TMEM170B: variants seen among roughly 807,000 people sequenced by gnomAD.
The protein encoded by TMEM170B is transmembrane protein 170B.
TMEM170B carries 6 observed loss-of-function variants against 13.0 expected under a neutral mutation model. The observed-to-expected ratio is 0.46, with a 90% CI of 0.25 to 0.91. The LOEUF is 0.91. Among genes scored for constraint, TMEM170B ranks in the 40% least tolerant of loss-of-function variants. The pLI is 0.17. For missense variants in TMEM170B, 138 were observed against 165.2 expected, an observed-to-expected ratio of 0.84 and a Z score of 0.90; for synonymous variants, 61 against 64.9, an observed-to-expected ratio of 0.94 and a Z score of 0.29.
chr6:11,537,995 G>C lies in TMEM170B; in HGVS notation c.-283G>C, dbSNP rs1280295014. Among the ~76,000 whole-genome samples the C allele has an allele frequency of 6.6e-6, 1 of 151,060 alleles. No homozygotes were observed. The highest frequency in any genetic ancestry group is 2.0e-4 in the East Asian group (1 of 5,106). On this transcript the variant is annotated 5_prime_UTR_variant, in exon 1 of 3. Coordinates refer to ENST00000379426, the MANE Select transcript of TMEM170B (RefSeq NM_001100829.3). ...CCTCCTCCGCCCCGAGTCCTCGCTC[G>C]GGGGCCGCGCGAGGACGGCGCCCGG... is the stretch of plus-strand genomic sequence containing the variant.
intron 1 of TMEM170B, among the ~76,000 whole-genome samples, chr6:11,559,688 T>C (rs140449434): frequency 4.5e-4 from 69 of 152,246 alleles, no homozygotes; most frequent in African/African-American, 1.6e-3. Context: ...TCAGAAGTCA[T>C]TGCTGTTAGA....
intron 1 of TMEM170B, among the ~76,000 whole-genome samples, chr6:11,559,312 T>TACC (rs1402824834): frequency 6.6e-6 from 1 of 151,920 alleles, no homozygotes; most frequent in Non-Finnish European, 1.5e-5. Context: ...TTCTCCCGTC[T>TACC]CAGCCTCCTG....
chr6:11,557,537 G>T (rs775867539), intron 1 of TMEM170B, among the ~76,000 whole-genome samples: 5 of 152,138 alleles, frequency 3.3e-5, no homozygotes, highest in African/African-American at 7.2e-5. Context: ...TTTAAAAAAA[G>T]AAATTTAGAT....
At position 11,576,188 on chromosome 6, in the gene TMEM170B, G is replaced by T. The variant is rs1372819928; in HGVS notation, c.*627G>T. ...ATGTGGAAGATAAGTCTTCTTAACT[G>T]AAGACTAGCTCAACTGTTTTAAGAA... On this transcript the variant is annotated 3_prime_UTR_variant, in exon 3 of 3. Transcript: ENST00000379426. The T allele has an allele frequency of 6.6e-6, 1 of 152,212 alleles. No individual in the cohort carries two copies. 9.4% of individuals were successfully genotyped at this position (152,212 alleles called of 1,614,324 possible). A position where few individuals can be genotyped will look rare whatever the true frequency, so the allele number is the denominator to read the frequency against.
At chr6:11,569,658 A>T (rs1377132416) in intron 2 of TMEM170B, among the ~76,000 whole-genome samples, 1 of 152,182 alleles carries the variant, frequency 6.6e-6, no homozygotes, top group African/African-American at 2.4e-5. Context: ...TTCAGGCCAT[A>T]ATTTATCCTC....
At position 11,579,949 on chromosome 6, in the gene TMEM170B, G is replaced by A. The variant is rs920524239; in HGVS notation, c.*4388G>A. ...CTGTAGAAAAATAGAACGATATTCA[G>A]TGTCTACCAAGTTCTTTCTTCCACA... On this transcript the variant is annotated 3_prime_UTR_variant, in exon 3 of 3. Transcript: ENST00000379426. The A allele has an allele frequency of 7.2e-5, 11 of 152,216 alleles. No homozygotes were observed. Among genetic ancestry groups the A allele is most frequent in the Non-Finnish European group, 1.5e-4 (10 of 68,068 alleles). The allele number at this position is 152,216 out of a possible 1,614,324, so 9.4% of individuals were successfully genotyped here.
chr6:11,580,632 T>C lies in TMEM170B; in HGVS notation c.*5071T>C, dbSNP rs1759943512. 6.6e-6 allele frequency: 1 copy of C among 152,348 alleles called. No individual in the cohort carries two copies. The highest frequency in any genetic ancestry group is 1.5e-5 in the Non-Finnish European group (1 of 68,030). 9.4% of individuals were successfully genotyped at this position (152,348 alleles called of 1,614,324 possible). On this transcript the variant is annotated 3_prime_UTR_variant, in exon 3 of 3. Transcript: ENST00000379426. ...CTGAATTGTTAAAACGGACCAATAA[T>C]CAAATGGTTTTATAATCTTTCTTAA...
In TMEM170B at chr6:11,573,809, AG is replaced by A. The variant is rs1290134695; in HGVS notation, c.269-1621del. On this transcript the variant is annotated intron_variant, in intron 2 of 2. Coordinates refer to ENST00000379426, the MANE Select transcript of TMEM170B (RefSeq NM_001100829.3). ...AAATCTAGGATGAATCCAAAGAGAA[AG>A]AGTATTACTCTAGTTTATTTTAACA... is the stretch of plus-strand genomic sequence containing the variant. Among the ~76,000 whole-genome samples the A allele has an allele frequency of 2.6e-5, 4 of 152,180 alleles. No individual in the cohort carries two copies. In the East Asian group the frequency reaches 7.7e-4, roughly 29 times the overall value.
At chr6:11,563,763 T>C (rs1759701622) in intron 1 of TMEM170B, among the ~76,000 whole-genome samples, 1 of 152,204 alleles carries the variant, frequency 6.6e-6, no homozygotes, top group Non-Finnish European at 1.5e-5. Context: ...CCAGGGGTTC[T>C]AGACCAGTCT....
chr6:11,543,255 A>G lies in TMEM170B; in HGVS notation c.97+4881A>G, dbSNP rs145294546. Among the ~76,000 whole-genome samples, 19 of 152,304 alleles carry G rather than the reference A, an allele frequency of 1.2e-4. 1 individual carries two copies. The East Asian group carries it at 3.7e-3, about 29-fold the overall frequency. On this transcript the variant is annotated intron_variant, in intron 1 of 2. Transcript: ENST00000379426. ...CTGGCACGTAGTAAATGATAAATAT[A>G]TGTTTATTGAGATGAATTTTTAAAA...
At chr6:11,540,445 T>C (rs1012758697) in intron 1 of TMEM170B, among the ~76,000 whole-genome samples, 2 of 152,234 alleles carry the variant, frequency 1.3e-5, no homozygotes, top group African/African-American at 4.8e-5. Flanking sequence ...CCACTTTCTT[T>C]GCTCATCCAT....
At chr6:11,558,477 C>T (rs941145312) in intron 1 of TMEM170B, among the ~76,000 whole-genome samples, 1 of 152,098 alleles carries the variant, frequency 6.6e-6, no homozygotes, top group Non-Finnish European at 1.5e-5. Context: ...TAAATTTGGG[C>T]AACTTTAAAA....
In TMEM170B at chr6:11,582,212, C is replaced by T. The variant is rs1288977877; in HGVS notation, c.*6651C>T. ...AATAGCAAAAATATAGTTTACCTGA[C>T]AAGTATTAAAAGTCTCACTTTCAAA... On this transcript the variant is annotated 3_prime_UTR_variant, in exon 3 of 3. Coordinates refer to ENST00000379426, the MANE Select transcript of TMEM170B (RefSeq NM_001100829.3). The T allele has an allele frequency of 6.6e-6, 1 of 152,170 alleles. No homozygotes were observed. The highest frequency in any genetic ancestry group is 1.5e-5 in the Non-Finnish European group (1 of 68,030). The allele number at this position is 152,170 out of a possible 1,614,324, so 9.4% of individuals were successfully genotyped here.
intron 2 of TMEM170B, among the ~76,000 whole-genome samples, chr6:11,573,634 C>G (rs1269994159): frequency 6.6e-6 from 1 of 152,142 alleles, no homozygotes; most frequent in Non-Finnish European, 1.5e-5. Context: ...AAGCATGCAA[C>G]GTTTGAATTG....
intron 1 of TMEM170B, among the ~76,000 whole-genome samples, chr6:11,548,088 C>T (rs1759463953): frequency 6.6e-6 from 1 of 152,076 alleles, no homozygotes; most frequent in Admixed American, 6.5e-5. Flanking sequence ...AATGGGATCT[C>T]TAATTAAACT....
chr6:11,570,618 C>T (rs1197102662), intron 2 of TMEM170B, among the ~76,000 whole-genome samples: 2 of 152,068 alleles, frequency 1.3e-5, no homozygotes, highest in Admixed American at 6.5e-5. Flanking sequence ...AACCCTTCTT[C>T]CAAAAAACTC....
intron 1 of TMEM170B, among the ~76,000 whole-genome samples, chr6:11,544,569 A>G (rs917826766): frequency 6.6e-6 from 1 of 152,198 alleles, no homozygotes; most frequent in Non-Finnish European, 1.5e-5. Flanking sequence ...ATCCATATTC[A>G]TTATCTAGCC....
In TMEM170B at chr6:11,549,082, A is replaced by T. The variant is rs543445917; in HGVS notation, c.97+10708A>T. Among the ~76,000 whole-genome samples the T allele has an allele frequency of 9.7e-4, 147 of 152,288 alleles. 1 individual carries two copies. The highest frequency in any genetic ancestry group is 1.4e-3 in the Non-Finnish European group (93 of 68,004). On this transcript the variant is annotated intron_variant, in intron 1 of 2. Transcript: ENST00000379426. ...AGAACTTAAAGTATAATAATAATAA[A>T]AAAAGAGTGGTCAGAGGTAAGAGGA...
chr6:11,572,799 G>A (rs1037896624), intron 2 of TMEM170B, among the ~76,000 whole-genome samples: 5 of 151,952 alleles, frequency 3.3e-5, no homozygotes, highest in African/African-American at 7.2e-5. Context: ...CATACATACC[G>A]CATACATACA....
Sources: allele counts gnomAD v4.1 joint callset (sites outside exome capture counted in the v4.1 genomes callset), GRCh38; gene constraint gnomAD v4.1.1; transcripts MANE v1.5; gene names NCBI Gene and HGNC (gene_info 2026-07-23, HGNC 2026-07-21).